KLHDC10: variants seen among roughly 807,000 people sequenced by gnomAD.
KLHDC10 encodes kelch domain containing 10.
A neutral mutation model predicts 56.1 loss-of-function variants in KLHDC10; 24 were observed. The observed-to-expected ratio is 0.43, with a 90% CI of 0.31 to 0.60. The LOEUF (loss-of-function observed/expected upper bound fraction) is 0.60, where lower values mean the gene tolerates loss of function less well. Ranked by LOEUF, KLHDC10 falls within the 20% of genes least tolerant of loss-of-function variation. The probability of loss-of-function intolerance (pLI) is 0.11; values close to 1 mark genes in which losing one functional copy is unlikely to be tolerated. For synonymous variants in KLHDC10, 188 were observed against 207.1 expected (o/e 0.91, Z 0.79); for missense variants, 349 against 567.0 (o/e 0.62, Z 3.91).
chr7:130,123,193 T>C (rs1006080016), intron 5 of KLHDC10, among the ~76,000 whole-genome samples: 1 of 152,178 alleles, frequency 6.6e-6, no homozygotes, highest in Non-Finnish European at 1.5e-5. Flanking sequence ...TTAAACTCAC[T>C]GTGGCTGGGC....
At chr7:130,094,317 A>G (rs990036629) in intron 1 of KLHDC10, among the ~76,000 whole-genome samples, 10 of 152,192 alleles carry the variant, frequency 6.6e-5, no homozygotes, top group African/African-American at 2.4e-4. Context: ...CGTAGAATTT[A>G]TGGATAACGT....
rs1796450575 is a variant in KLHDC10, at chr7:130,135,044, A to G, written c.*4298A>G. The stretch of plus-strand genomic sequence containing the variant: ...ACGAACAGAAGTTCTGAGTTGTGCT[A>G]CAAAAGTAGTTCCATCTTTTTGGTG... On this transcript the variant is annotated 3_prime_UTR_variant, in exon 10 of 10. Coordinates refer to ENST00000335420, the MANE Select transcript of KLHDC10 (RefSeq NM_014997.4). The G allele has an allele frequency of 6.6e-6, 1 of 150,878 alleles. No homozygotes were observed. Among genetic ancestry groups the G allele is most frequent in the Non-Finnish European group, 1.5e-5 (1 of 67,882 alleles). The allele number at this position is 150,878 out of a possible 1,614,324, so 9.3% of individuals were successfully genotyped here. A position where few individuals can be genotyped will look rare whatever the true frequency, so the allele number is the denominator to read the frequency against.
At chr7:130,075,360 T>G (rs1795483640) in intron 1 of KLHDC10, among the ~76,000 whole-genome samples, 1 of 152,224 alleles carries the variant, frequency 6.6e-6, no homozygotes, top group Non-Finnish European at 1.5e-5. Flanking sequence ...TACTGTAGTC[T>G]TAACTTAAAA....
chr7:130,098,474 T>G (rs1037551578), intron 2 of KLHDC10, among the ~76,000 whole-genome samples: 1 of 152,090 alleles, frequency 6.6e-6, no homozygotes, highest in South Asian at 2.1e-4. Context: ...GCCTGGGCGA[T>G]AGAGTGAGAC....
chr7:130,070,767 C>T lies in KLHDC10; in HGVS notation c.124C>T (p.Leu42Phe). The stretch of plus-strand genomic sequence containing the variant: ...CAGCGGGGGTCGGGGGACTGGCCAG[C>T]TCAACCGCTTCGTGCAACTCTCCGG... ...GGSGGRGTGQ[L>F]NRFVQLSGRP... is the part of the protein sequence containing the mutation. Residue 42 changes from leucine (L) to phenylalanine (F), a missense_variant, in exon 1 of 10, where the codon CTC (leucine) becomes TTC (phenylalanine). Leu to Phe is a conservative substitution (Grantham distance 22, BLOSUM62 0). Transcript: ENST00000335420. 2 of 1,308,982 alleles carry T rather than the reference C, an allele frequency of 1.5e-6. No homozygotes were observed. The highest frequency in any genetic ancestry group is 9.7e-7 in the Non-Finnish European group (1 of 1,027,034). 81.1% of individuals were successfully genotyped at this position (1,308,982 alleles called of 1,614,324 possible). A position where few individuals can be genotyped will look rare whatever the true frequency, so the allele number is the denominator to read the frequency against.
At chr7:130,083,145 A>C (rs950430748) in intron 1 of KLHDC10, among the ~76,000 whole-genome samples, 1 of 152,168 alleles carries the variant, frequency 6.6e-6, no homozygotes, top group Non-Finnish European at 1.5e-5. Flanking sequence ...CATTTTCAAA[A>C]AACAATTTCA....
chr7:130,126,019 T>TTA, intron 7 of KLHDC10, 88 bp downstream of exon 7: 1 of 964,290 alleles, frequency 1.0e-6, no homozygotes. Context: ...TTTTACTGAG[T>TTA]TATATGTCAA....
In KLHDC10 at chr7:130,108,693, G is replaced by T. The variant is rs1796055019; in HGVS notation, c.254-7752G>T. Among the ~76,000 whole-genome samples the T allele has an allele frequency of 3.4e-5, 5 of 146,972 alleles. No homozygotes were observed. The South Asian group carries it at 1.1e-3, about 31-fold the overall frequency. ...GCCAAGATTGAGTCATTGCACTCCA[G>T]CCTGGGCGACAGAGCGAGACCCCAT... On this transcript the variant is annotated intron_variant, in intron 2 of 9. Coordinates refer to ENST00000335420, the MANE Select transcript of KLHDC10 (RefSeq NM_014997.4).
intron 1 of KLHDC10, among the ~76,000 whole-genome samples, chr7:130,091,046 T>C (rs2116862037): frequency 6.6e-6 from 1 of 152,254 alleles, no homozygotes; most frequent in Non-Finnish European, 1.5e-5. Context: ...CATGTATCAA[T>C]AGTTCATGGT....
intron 2 of KLHDC10, among the ~76,000 whole-genome samples, chr7:130,107,279 A>C (rs1036071280): frequency 6.6e-6 from 1 of 152,244 alleles, no homozygotes; most frequent in Non-Finnish European, 1.5e-5. Context: ...AGAAAAAAGA[A>C]GTACACATAT....
intron 3 of KLHDC10, among the ~76,000 whole-genome samples, chr7:130,118,972 G>A (rs1186233291): frequency 6.6e-6 from 1 of 152,066 alleles, no homozygotes; most frequent in Non-Finnish European, 1.5e-5. Flanking sequence ...AGCAATTTAG[G>A]AGGCCAAGGA....
Position 130,116,617 on chromosome 7 carries a change from C to T in KLHDC10, c.426C>T (p.His142=). The change falls in exon 3 of 10, where the codon CAC becomes CAT. Residue 142 remains histidine, a synonymous_variant. Coordinates refer to ENST00000335420, the MANE Select transcript of KLHDC10 (RefSeq NM_014997.4). This position sits in a 1 kb window ranked among gnomAD's most constrained non-coding sequence, Gnocchi z 4.8. The part of the protein sequence containing the change: ...WRYHFATGVW[H]QMGTDGYMPR... The stretch of plus-strand genomic sequence containing the variant: ...ATCATTTTGCTACAGGAGTATGGCA[C>T]CAGATGGGCACAGATGGCTACATGC... 1 of 1,614,142 alleles carries T rather than the reference C, an allele frequency of 6.2e-7. No individual in the cohort carries two copies. Among genetic ancestry groups the T allele is most frequent in the Middle Eastern group, 1.7e-4 (1 of 6,056 alleles).
At chr7:130,090,882 G>A (rs1351976362) in intron 1 of KLHDC10, among the ~76,000 whole-genome samples, 1 of 151,954 alleles carries the variant, frequency 6.6e-6, no homozygotes, top group East Asian at 1.9e-4. Flanking sequence ...AAGGTTCCCT[G>A]GTGGTGCCCT....
chr7:130,126,007 A>G lies in KLHDC10; in HGVS notation c.931+76A>G, dbSNP rs540758491. The G allele has an allele frequency of 7.4e-6, 8 of 1,075,312 alleles. No individual in the cohort carries two copies. The African/African-American group carries it at 1.3e-4, about 17-fold the overall frequency. 66.6% of individuals were successfully genotyped at this position (1,075,312 alleles called of 1,614,324 possible). ...TTTACTCATTTTGGAAGGAAAAAGT[A>G]ATTTTACTGAGTTATATGTCAAGTT... On this transcript the variant is annotated intron_variant, in intron 7 of 9. Transcript: ENST00000335420.
chr7:130,097,179 T>C lies in KLHDC10; in HGVS notation c.253+172T>C, dbSNP rs775359870. Among the ~76,000 whole-genome samples, 4 of 152,228 alleles carry C rather than the reference T, an allele frequency of 2.6e-5. No homozygotes were observed. In the South Asian group the frequency reaches 6.2e-4, roughly 24 times the overall value. On this transcript the variant is annotated intron_variant, in intron 2 of 9. Coordinates refer to ENST00000335420, the MANE Select transcript of KLHDC10 (RefSeq NM_014997.4). ...TAAACCTGTTTCTTGTTGGCCACTA[T>C]TGGGATTGTAATTGTAAGTTTCAGG...
intron 2 of KLHDC10, among the ~76,000 whole-genome samples, chr7:130,108,590 C>T (rs1420838297): frequency 6.8e-6 from 1 of 147,090 alleles, no homozygotes; most frequent in Non-Finnish European, 1.5e-5. Context: ...CGTGGTGGTG[C>T]GCGCCTGTGG....
chr7:130,119,901 GAGAA>G (rs961180420), intron 3 of KLHDC10, among the ~76,000 whole-genome samples: 1 of 150,852 alleles, frequency 6.6e-6, no homozygotes, highest in Non-Finnish European at 1.5e-5. Context: ...TTTTGAGAGA[GAGAA>G]AGAGCATATG....
Position 130,130,156 on chromosome 7 carries a change from A to C in KLHDC10, c.1120-381A>C, listed in dbSNP as rs1796378600. 6.6e-6 allele frequency among the ~76,000 whole-genome samples: 1 copy of C among 151,886 alleles called. No homozygotes were observed. Among genetic ancestry groups the C allele is most frequent in the Non-Finnish European group, 1.5e-5 (1 of 67,974 alleles). ...ACGGATGAAACCCCATCTCTACTAA[A>C]AATACAAAAAAAAATTAGCCGGACG... On this transcript the variant is annotated intron_variant, in intron 9 of 9. Transcript: ENST00000335420. The surrounding 1 kb of genome is among the most constrained non-coding windows in gnomAD (Gnocchi z 4.2).
At chr7:130,099,532 G>C (rs1362325532) in intron 2 of KLHDC10, among the ~76,000 whole-genome samples, 2 of 152,208 alleles carry the variant, frequency 1.3e-5, no homozygotes, top group Admixed American at 1.3e-4. Context: ...GACATCAGAA[G>C]GGATGTGCTT....
Sources: gnomAD v4.1 joint callset for allele counts (sites outside exome capture counted in the v4.1 genomes callset) on GRCh38, gnomAD v4.1.1 for gene constraint, Gnocchi (gnomAD v3.1) non-coding constraint, MANE v1.5 for transcripts, NCBI Gene and HGNC (gene_info 2026-07-23, HGNC 2026-07-21) for gene names.